ZSWIM6: variants seen among roughly 807,000 people sequenced by gnomAD.
ZSWIM6 encodes the protein zinc finger SWIM-type containing 6.
ZSWIM6 carries 9 observed loss-of-function variants against 113.2 expected under a neutral mutation model. The ratio of observed to expected loss-of-function variants is 0.08; its 90% CI spans 0.05 to 0.14. The LOEUF is 0.14. Among genes scored for constraint, ZSWIM6 ranks in the 10% least tolerant of loss-of-function variants. The probability of loss-of-function intolerance (pLI) is 1.00; values close to 1 mark genes in which losing one functional copy is unlikely to be tolerated. For missense variants in ZSWIM6, 1,162 were observed against 1,552.2 expected (o/e 0.75, Z 4.22); for synonymous variants, 611 against 606.5 (o/e 1.01, Z -0.11).
At chr5:61,373,416 C>T (rs1461268399) in intron 1 of ZSWIM6, among the ~76,000 whole-genome samples, 8 of 125,860 alleles carry the variant, frequency 6.4e-5, no homozygotes, top group Admixed American at 4.0e-4. Flanking sequence ...CTCGCTCTGT[C>T]GCCCAGGCTG....
intron 1 of ZSWIM6, among the ~76,000 whole-genome samples, chr5:61,418,163 T>A (rs1746291443): frequency 6.6e-6 from 1 of 152,268 alleles, no homozygotes; most frequent in African/African-American, 2.4e-5. Context: ...GAATGATAAC[T>A]GCTTTGTTCA....
At chr5:61,507,898 A>C (rs1748666484) in intron 4 of ZSWIM6, among the ~76,000 whole-genome samples, 1 of 152,202 alleles carries the variant, frequency 6.6e-6, no homozygotes, top group Non-Finnish European at 1.5e-5. Flanking sequence ...ATTCATATAT[A>C]CATAACTATA....
chr5:61,338,074 G>A (rs1744441803), intron 1 of ZSWIM6, among the ~76,000 whole-genome samples: 1 of 151,650 alleles, frequency 6.6e-6, no homozygotes, highest in Non-Finnish European at 1.5e-5. Flanking sequence ...TTTACTTTTG[G>A]GAGAAAAGAA....
chr5:61,412,697 C>T (rs779259888), intron 1 of ZSWIM6, among the ~76,000 whole-genome samples: 2 of 152,182 alleles, frequency 1.3e-5, no homozygotes, highest in African/African-American at 2.4e-5. Context: ...TTCCTAAGAA[C>T]CCTGCTGAAG....
chr5:61,435,404 A>G (rs913114324), intron 1 of ZSWIM6, among the ~76,000 whole-genome samples: 7 of 152,222 alleles, frequency 4.6e-5, no homozygotes, highest in East Asian at 3.8e-4. Context: ...GTTGGTCTAT[A>G]TGGGCTGGGA....
chr5:61,436,320 A>T (rs1408997931), intron 1 of ZSWIM6, among the ~76,000 whole-genome samples: 2 of 152,170 alleles, frequency 1.3e-5, no homozygotes, highest in African/African-American at 2.4e-5. Flanking sequence ...CTTAGTGTTA[A>T]ATTTTACATA....
At chr5:61,341,873 CTTTTTTTTT>C (rs35227918) in intron 1 of ZSWIM6, among the ~76,000 whole-genome samples, 3 of 94,706 alleles carry the variant, frequency 3.2e-5, no homozygotes, top group Non-Finnish European at 4.0e-5. Context: ...TCTCTGTAAC[CTTTTTTTTT>C]TTTTTTTTTT....
At position 61,332,695 on chromosome 5, in the gene ZSWIM6, C is replaced by A. The variant is rs1432545668; in HGVS notation, c.423C>A (p.Ser141Arg). ...GGAAGGPGDD[S>R]GGGGGAGGGG... ...CCGCGGGCGGCCCCGGCGACGACAG[C>A]GGTGGCGGCGGCGGCGCGGGCGGCG... Residue 141 changes from serine (S) to arginine (R), a missense_variant, in exon 1 of 14, where the codon AGC becomes AGA. Physicochemically the swap from Ser to Arg is moderately radical, Grantham distance 110 (BLOSUM62 -1). Around this residue, in one of 4 missense-constraint regions of ZSWIM6, gnomAD observed 333 missense variants for 293.4 expected, o/e 1.13. Coordinates refer to ENST00000252744, the MANE Select transcript of ZSWIM6 (RefSeq NM_020928.2). The A allele has an allele frequency of 1.4e-5, 14 of 994,220 alleles. No individual in the cohort carries two copies. Among genetic ancestry groups the A allele is most frequent in the African/African-American group, 1.8e-5 (1 of 54,520 alleles). 61.6% of individuals were successfully genotyped at this position (994,220 alleles called of 1,614,324 possible). A position where few individuals can be genotyped will look rare whatever the true frequency, so the allele number is the denominator to read the frequency against.
intron 4 of ZSWIM6, among the ~76,000 whole-genome samples, chr5:61,508,324 G>A (rs974607099): frequency 2.6e-5 from 4 of 152,062 alleles, no homozygotes; most frequent in Non-Finnish European, 4.4e-5. Flanking sequence ...TGTGTTACCC[G>A]ATATTGTTAG....
intron 8 of ZSWIM6, among the ~76,000 whole-genome samples, chr5:61,530,614 T>G (rs73107486): frequency 0.031 from 4,687 of 152,314 alleles, 229 homozygotes; most frequent in African/African-American, 0.11. Context: ...TTTAGTCTAC[T>G]TTAAGGGGGA....
chr5:61,333,213 C>T (rs1744305754), intron 1 of ZSWIM6, among the ~76,000 whole-genome samples: 1 of 151,956 alleles, frequency 6.6e-6, no homozygotes, highest in African/African-American at 2.4e-5. Flanking sequence ...GCCCCCGGCC[C>T]GCGCTCCCCT....
intron 4 of ZSWIM6, among the ~76,000 whole-genome samples, chr5:61,497,748 G>A (rs536274094): frequency 6.6e-6 from 1 of 152,146 alleles, no homozygotes. Context: ...ATAAGAAAAG[G>A]TATATATTAA....
Position 61,526,316 on chromosome 5 carries a change from T to C in ZSWIM6, c.1757T>C (p.Leu586Pro). 4.5e-6 allele frequency: 7 copies of C among 1,552,092 alleles called. 1 individual carries two copies. Among genetic ancestry groups the C allele is most frequent in the Non-Finnish European group, 6.1e-6 (7 of 1,147,042 alleles). ...TCTCATGGGTACCCCAGAGAAGCAC[T>C]GAGACTAGCAATAGCTATTGTTAAT... Reference protein sequence around the residue: ...LRSHGYPREALRLAIAIVNTL... With the variant: ...LRSHGYPREAPRLAIAIVNTL... The change falls in exon 7 of 14, where the codon CTG becomes CCG. Residue 586 changes from leucine to proline, a missense_variant. Coordinates refer to ENST00000252744, the MANE Select transcript of ZSWIM6 (RefSeq NM_020928.2).
At chr5:61,461,559 G>A (rs1037378910) in intron 1 of ZSWIM6, among the ~76,000 whole-genome samples, 2 of 152,182 alleles carry the variant, frequency 1.3e-5, no homozygotes, top group African/African-American at 4.8e-5. Flanking sequence ...CCAGTGGAAA[G>A]CTTTGGAGTG....
At chr5:61,542,087 G>C in intron 13 of ZSWIM6, 122 bp downstream of exon 13, 1 of 771,592 alleles carries the variant, frequency 1.3e-6, no homozygotes, top group South Asian at 2.2e-5. Context: ...CCTTCTAGCA[G>C]TCCACAAGGG....
At chr5:61,355,821 G>T (rs1457075204) in intron 1 of ZSWIM6, among the ~76,000 whole-genome samples, 1 of 152,122 alleles carries the variant, frequency 6.6e-6, no homozygotes, top group Admixed American at 6.5e-5. Context: ...TTATTGAAAT[G>T]ATAATATTTG....
chr5:61,407,263 AT>A (rs1746063349), intron 1 of ZSWIM6, among the ~76,000 whole-genome samples: 1 of 152,252 alleles, frequency 6.6e-6, no homozygotes, highest in Non-Finnish European at 1.5e-5. Context: ...AGGTTATTCA[AT>A]TTGTGTTGGG....
chr5:61,500,486 A>C (rs2112228868), intron 4 of ZSWIM6, among the ~76,000 whole-genome samples: 1 of 152,266 alleles, frequency 6.6e-6, no homozygotes, highest in Non-Finnish European at 1.5e-5. Flanking sequence ...CTCGGAGCAG[A>C]GCAAGGTCAA....
chr5:61,400,044 T>C (rs1361485459), intron 1 of ZSWIM6, among the ~76,000 whole-genome samples: 1 of 152,216 alleles, frequency 6.6e-6, no homozygotes, highest in African/African-American at 2.4e-5. Flanking sequence ...ACGTGATCTT[T>C]GAAGCAGTCT....
Sources: allele counts gnomAD v4.1 joint callset (sites outside exome capture counted in the v4.1 genomes callset), GRCh38; gene constraint gnomAD v4.1.1; regional missense constraint gnomAD v4.1.1; transcripts MANE v1.5; gene names NCBI Gene and HGNC (gene_info 2026-07-23, HGNC 2026-07-21).